DIRAS2: variants seen among roughly 807,000 people sequenced by gnomAD.
DIRAS2 encodes DIRAS family GTPase 2.
In DIRAS2, 5 loss-of-function variants were observed where a neutral mutation model predicts 13.9. The ratio of observed to expected loss-of-function variants is 0.36; its 90% CI spans 0.19 to 0.76. The LOEUF is 0.76. DIRAS2 is among the 30% of genes least tolerant of loss of function. The pLI is 0.53. For missense variants in DIRAS2, 191 were observed against 263.0 expected, an observed-to-expected ratio of 0.73 and a Z score of 1.89; for synonymous variants, 111 against 105.4, an observed-to-expected ratio of 1.05 and a Z score of -0.33.
At chr9:90,622,540 G>A (rs1825229463) in intron 1 of DIRAS2, among the ~76,000 whole-genome samples, 1 of 151,430 alleles carries the variant, frequency 6.6e-6, no homozygotes. Context: ...TCATGTGCTG[G>A]TATAAACAAT....
At position 90,613,287 on chromosome 9, in the gene DIRAS2, T is replaced by C; in HGVS notation, c.541A>G (p.Lys181Glu). The C allele has an allele frequency of 6.2e-7, 1 of 1,613,918 alleles. No homozygotes were observed. The highest frequency in any genetic ancestry group is 8.5e-7 in the Non-Finnish European group (1 of 1,179,996). The change falls in exon 2 of 2, where the codon AAA becomes GAA. Residue 181 changes from lysine (K) to glutamate (E), a missense_variant. By Grantham distance (56) the Lys-to-Glu change is moderately conservative (BLOSUM62 1). Transcript: ENST00000375765. This position sits in a 1 kb window ranked among gnomAD's most constrained non-coding sequence, Gnocchi z 5.6. ...RRTVSLQIDG[K>E]KSKQQKRKEK... is the part of the protein sequence containing the mutation. ...TTCCTTTTCTGCTGCTTGCTCTTTT[T>C]CCCGTCGATCTGGAGACTCACGGTC...
rs764157769 is a variant in DIRAS2, at chr9:90,613,184, G to A, written c.*44C>T. ...ACGGTGGGTGTCATTTTGGGGGAGT[G>A]AGGTGCCGGGGACACACAGCTGCTC... On this transcript the variant is annotated 3_prime_UTR_variant, in exon 2 of 2. Coordinates refer to ENST00000375765, the MANE Select transcript of DIRAS2 (RefSeq NM_017594.5). The surrounding 1 kb of genome is among the most constrained non-coding windows in gnomAD (Gnocchi z 5.6). The A allele has an allele frequency of 6.3e-7, 1 of 1,574,966 alleles. No individual in the cohort carries two copies. The highest frequency in any genetic ancestry group is 8.6e-7 in the Non-Finnish European group (1 of 1,160,956).
rs1825103373 is a variant in DIRAS2 at position 90,610,658 on chromosome 9, C to T, written c.*2570G>A. 2 of 374,478 alleles carry T rather than the reference C, an allele frequency of 5.3e-6. No homozygotes were observed. Among genetic ancestry groups the T allele is most frequent in the Non-Finnish European group, 9.4e-6 (2 of 212,444 alleles). The allele number at this position is 374,478 out of a possible 1,614,324, so 23.2% of individuals were successfully genotyped here. Reference sequence around the variant, plus strand: ...AAAATCTAATTCTGTGATACTAACTCCTCAAACTCTGAGTCAATTGGGGAT... The same window carrying T: ...AAAATCTAATTCTGTGATACTAACTTCTCAAACTCTGAGTCAATTGGGGAT... On this transcript the variant is annotated 3_prime_UTR_variant, in exon 2 of 2. Transcript: ENST00000375765.
At chr9:90,625,951 G>C (rs1418964854) in intron 1 of DIRAS2, 1 of 152,126 alleles carries the variant, frequency 6.6e-6, no homozygotes, top group African/African-American at 2.4e-5. Context: ...TAGAAGACTG[G>C]GGTGGATGGA....
chr9:90,635,078 G>A (rs1165456381), intron 1 of DIRAS2, among the ~76,000 whole-genome samples: 1 of 152,226 alleles, frequency 6.6e-6, no homozygotes, highest in Non-Finnish European at 1.5e-5. Flanking sequence ...ACAGAGAATT[G>A]TTGCACAACT....
Position 90,613,794 on chromosome 9 carries a change from C to T in DIRAS2, c.34G>A (p.Val12Met), listed in dbSNP as rs1322302173. Residue 12 changes from valine to methionine, a missense_variant, in exon 2 of 2, where the codon GTG becomes ATG. Transcript: ENST00000375765. This position sits in a 1 kb window ranked among gnomAD's most constrained non-coding sequence, Gnocchi z 5.6. The part of the protein sequence containing the change: ...PEQSNDYRVA[V>M]FGAGGVGKSS... ...TTGCCAACACCGCCAGCCCCAAACA[C>T]GGCCACCCGGTAATCGTTACTCTGC... 1.2e-6 allele frequency: 2 copies of T among 1,613,756 alleles called. No individual in the cohort carries two copies. Among genetic ancestry groups the T allele is most frequent in the Admixed American group, 1.7e-5 (1 of 59,988 alleles).
chr9:90,621,933 T>C (rs1825222698), intron 1 of DIRAS2, among the ~76,000 whole-genome samples: 1 of 152,224 alleles, frequency 6.6e-6, no homozygotes. Flanking sequence ...ATATGTGTTC[T>C]GTGCTTTGCC....
At chr9:90,641,603 T>A (rs1393404560) in intron 1 of DIRAS2, among the ~76,000 whole-genome samples, 3 of 152,126 alleles carry the variant, frequency 2.0e-5, no homozygotes, top group Non-Finnish European at 4.4e-5. Flanking sequence ...AAAAAAAGTA[T>A]GATTCCCCTA....
rs527539311 is a variant in DIRAS2, at chr9:90,610,579, T to C, written c.*2649A>G. ...ATGCCCATATGCAATGTAGGATGTG[T>C]TTTCAAGAACCACAGCTACATATTT... On this transcript the variant is annotated 3_prime_UTR_variant, in exon 2 of 2. Transcript: ENST00000375765. The C allele has an allele frequency of 2.5e-6, 1 of 395,702 alleles. No homozygotes were observed. Among genetic ancestry groups the C allele is most frequent in the Admixed American group, 4.4e-5 (1 of 22,672 alleles). 24.5% of individuals were successfully genotyped at this position (395,702 alleles called of 1,614,324 possible). A position where few individuals can be genotyped will look rare whatever the true frequency, so the allele number is the denominator to read the frequency against.
intron 1 of DIRAS2, among the ~76,000 whole-genome samples, chr9:90,624,667 A>T (rs1825251283): frequency 6.6e-6 from 1 of 152,208 alleles, no homozygotes; most frequent in South Asian, 2.1e-4. Context: ...TCTGGGGAAC[A>T]TATGATGGCC....
chr9:90,618,379 G>T (rs189583508), intron 1 of DIRAS2, among the ~76,000 whole-genome samples: 202 of 152,274 alleles, frequency 1.3e-3, no homozygotes, highest in Non-Finnish European at 2.3e-3. Flanking sequence ...AATAAGGGGA[G>T]CACCTCTCCC....
intron 1 of DIRAS2, among the ~76,000 whole-genome samples, chr9:90,618,820 A>C (rs547625614): frequency 5.9e-5 from 9 of 152,356 alleles, no homozygotes; most frequent in Admixed American, 2.0e-4. Flanking sequence ...ATAATAAGTC[A>C]ATAACATGAA....
At position 90,623,001 on chromosome 9, in the gene DIRAS2, T is replaced by C. The variant is rs773820061; in HGVS notation, c.-36-9138A>G. On this transcript the variant is annotated intron_variant, in intron 1 of 1. Coordinates refer to ENST00000375765, the MANE Select transcript of DIRAS2 (RefSeq NM_017594.5). The stretch of plus-strand genomic sequence containing the variant: ...GTACCTATTCTTGATTTCTCCAGCA[T>C]CTTCTATTTTTAATAAACTTTCTTG... Among the ~76,000 whole-genome samples, 23 of 152,214 alleles carry C rather than the reference T, an allele frequency of 1.5e-4. 1 individual carries two copies. The highest frequency in any genetic ancestry group is 3.3e-4 in the Admixed American group (5 of 15,286).
Position 90,613,267 on chromosome 9 carries a change from T to G in DIRAS2, c.561A>C (p.Lys187Asn). ...ACTTGCCTTTGAGCTTCTCTTTCCTTTTCTGCTGCTTGCTCTTTTTCCCGT... is the reference window on the plus strand; with the variant it reads ...ACTTGCCTTTGAGCTTCTCTTTCCTGTTCTGCTGCTTGCTCTTTTTCCCGT... ...QIDGKKSKQQ[K>N]RKEKLKGKCV... Residue 187 changes from lysine to asparagine, a missense_variant, in exon 2 of 2, where the codon AAA becomes AAC. Transcript: ENST00000375765. This position sits in a 1 kb window ranked among gnomAD's most constrained non-coding sequence, Gnocchi z 5.6. 1 of 1,613,928 alleles carries G rather than the reference T, an allele frequency of 6.2e-7. No homozygotes were observed. Among genetic ancestry groups the G allele is most frequent in the Admixed American group, 1.7e-5 (1 of 60,016 alleles).
At chr9:90,632,305 C>T (rs1427673705) in intron 1 of DIRAS2, among the ~76,000 whole-genome samples, 1 of 152,206 alleles carries the variant, frequency 6.6e-6, no homozygotes, top group Non-Finnish European at 1.5e-5. Flanking sequence ...TCCAGCCACA[C>T]TATATCCTTG....
At chr9:90,624,611 T>A (rs1825250786) in intron 1 of DIRAS2, among the ~76,000 whole-genome samples, 1 of 152,224 alleles carries the variant, frequency 6.6e-6, no homozygotes, top group Non-Finnish European at 1.5e-5. Flanking sequence ...GCCCACAGCT[T>A]AAGTATACAA....
Position 90,613,693 on chromosome 9 carries a change from C to G in DIRAS2, c.135G>C (p.Arg45=). The stretch of plus-strand genomic sequence containing the variant: ...TGCTCTTGTCACAGCTGATCACTTG[C>G]CGGTAGGTGTCTTCCACCGTCGGGA... ...SYIPTVEDTY[R]QVISCDKSIC... is the part of the protein sequence containing the mutation. Residue 45 remains arginine (R), a synonymous_variant, in exon 2 of 2, where the codon CGG becomes CGC. Transcript: ENST00000375765. The surrounding 1 kb of genome is among the most constrained non-coding windows in gnomAD (Gnocchi z 5.6). The G allele has an allele frequency of 6.2e-7, 1 of 1,614,086 alleles. No individual in the cohort carries two copies. Among genetic ancestry groups the G allele is most frequent in the South Asian group, 1.1e-5 (1 of 91,078 alleles).
At chr9:90,614,535 G>T (rs1304888523) in intron 1 of DIRAS2, among the ~76,000 whole-genome samples, 1 of 152,140 alleles carries the variant, frequency 6.6e-6, no homozygotes, top group Non-Finnish European at 1.5e-5. Context: ...ATGTTACACA[G>T]CAATAAGAGG....
intron 1 of DIRAS2, among the ~76,000 whole-genome samples, chr9:90,622,492 C>A (rs915202140): frequency 6.6e-6 from 1 of 151,006 alleles, no homozygotes; most frequent in Non-Finnish European, 1.5e-5. Flanking sequence ...CTCTTAGCTG[C>A]CAATTTTGAT....
Sources: gnomAD v4.1 joint callset for allele counts (sites outside exome capture counted in the v4.1 genomes callset) on GRCh38, gnomAD v4.1.1 for gene constraint, Gnocchi (gnomAD v3.1) non-coding constraint, MANE v1.5 for transcripts, NCBI Gene and HGNC (gene_info 2026-07-23, HGNC 2026-07-21) for gene names.